PPP6C: variants seen among roughly 807,000 people sequenced by gnomAD.
The protein encoded by PPP6C is protein phosphatase 6 catalytic subunit, also known as serine/threonine-protein phosphatase 6 catalytic subunit.
Under a neutral mutation model 39.8 loss-of-function variants are expected in PPP6C, and 11 were observed. The ratio of observed to expected loss-of-function variants is 0.28; its 90% CI spans 0.17 to 0.46. The LOEUF (loss-of-function observed/expected upper bound fraction) is 0.46, where lower values mean the gene tolerates loss of function less well. Among genes scored for constraint, PPP6C ranks in the 20% least tolerant of loss-of-function variants. PPP6C has a pLI of 1.00. For synonymous variants in PPP6C, 129 were observed against 130.3 expected (o/e 0.99, Z 0.07); for missense variants, 211 against 373.9 (o/e 0.56, Z 3.59).
chr9:125,184,799 C>T (rs1275620540), intron 1 of PPP6C, among the ~76,000 whole-genome samples: 1 of 151,588 alleles, frequency 6.6e-6, no homozygotes, highest in Non-Finnish European at 1.5e-5. Flanking sequence ...ATGGTGAAAC[C>T]CCATCTCTAC....
In PPP6C at chr9:125,149,414, TGTGA is replaced by T. The variant is rs1835884840; in HGVS notation, c.*255_*258del. ...AATAAGCAAGAGCTACATGCAGCAGTGTGAGTATTAAGACATTTCTCAAGTCTTC... is the reference window on the plus strand; with the variant it reads ...AATAAGCAAGAGCTACATGCAGCAGTGTATTAAGACATTTCTCAAGTCTTC... On this transcript the variant is annotated 3_prime_UTR_variant, in exon 7 of 7. Transcript: ENST00000373547. The T allele has an allele frequency of 5.5e-6, 2 of 361,940 alleles. No homozygotes were observed. The highest frequency in any genetic ancestry group is 4.2e-5 in the Admixed American group (1 of 23,562). 22.4% of individuals were successfully genotyped at this position (361,940 alleles called of 1,614,324 possible).
At chr9:125,164,118 T>C (rs947621850) in intron 2 of PPP6C, among the ~76,000 whole-genome samples, 2 of 151,884 alleles carry the variant, frequency 1.3e-5, no homozygotes, top group African/African-American at 4.8e-5. Context: ...ATTACAGGCA[T>C]GAGCCACAGC....
At chr9:125,159,058 G>A (rs1474241302) in intron 3 of PPP6C, among the ~76,000 whole-genome samples, 3 of 102,964 alleles carry the variant, frequency 2.9e-5, no homozygotes, top group African/African-American at 1.1e-4. Flanking sequence ...TTTTTTTTTA[G>A]ATGGAGTTTC....
intron 2 of PPP6C, among the ~76,000 whole-genome samples, chr9:125,162,707 T>G (rs1169358518): frequency 7.5e-6 from 1 of 132,934 alleles, no homozygotes; most frequent in South Asian, 2.4e-4. Flanking sequence ...ACCTGAGAGG[T>G]GGAGGATGCA....
chr9:125,164,218 C>CT (rs10684647), intron 2 of PPP6C, among the ~76,000 whole-genome samples: 6,418 of 74,434 alleles, frequency 0.086, 1,810 homozygotes, highest in East Asian at 0.21. Context: ...CCCTCACTCT[C>CT]TTTTTTTTTT....
chr9:125,187,900 C>A (rs769341066), intron 1 of PPP6C, among the ~76,000 whole-genome samples: 1 of 151,942 alleles, frequency 6.6e-6, no homozygotes, highest in Admixed American at 6.6e-5. Flanking sequence ...CTATTAAAAA[C>A]GGGAAAATGC....
chr9:125,189,779 CG>C lies in PPP6C; in HGVS notation c.-62del, dbSNP rs1829631266. On this transcript the variant is annotated 5_prime_UTR_variant, in exon 1 of 7. Coordinates refer to ENST00000373547, the MANE Select transcript of PPP6C (RefSeq NM_002721.5). ...GCGGCTGTAGCAGCGGCGGCGGCAG[CG>C]GCGGAGGCCGAAGCCGGAACTTTCC... 23 of 1,528,754 alleles carry C rather than the reference CG, an allele frequency of 1.5e-5. No homozygotes were observed. Among genetic ancestry groups the C allele is most frequent in the Non-Finnish European group, 2.0e-5 (23 of 1,139,014 alleles). The allele number at this position is 1,528,754 out of a possible 1,614,324, so 94.7% of individuals were successfully genotyped here.
At chr9:125,151,030 C>G (rs1278163612) in intron 6 of PPP6C, 2 of 1,372,788 alleles carry the variant, frequency 1.5e-6, no homozygotes, top group Non-Finnish European at 2.1e-6. Flanking sequence ...CATGGACCTA[C>G]ATGCTTCTCA....
In PPP6C at chr9:125,189,566, C is replaced by CG. The variant is rs554965271; in HGVS notation, c.75+77dup. On this transcript the variant is annotated intron_variant, in intron 1 of 6. Coordinates refer to ENST00000373547, the MANE Select transcript of PPP6C (RefSeq NM_002721.5). ...CACCGCGACTGGACTGGATACCCGG[C>CG]GGGGGTCCTGGAGAAAGGAAGGGCC... is the stretch of plus-strand genomic sequence containing the variant. 521 of 1,598,626 alleles carry CG rather than the reference C, an allele frequency of 3.3e-4. 5 individuals are homozygous for CG. In the East Asian group the frequency reaches 8.1e-3, roughly 25 times the overall value.
intron 1 of PPP6C, among the ~76,000 whole-genome samples, chr9:125,180,230 C>T (rs1829393086): frequency 6.6e-6 from 1 of 152,170 alleles, no homozygotes; most frequent in African/African-American, 2.4e-5. Context: ...CCAGTTAGTC[C>T]TTGTGGATAG....
In PPP6C at chr9:125,175,493, A is replaced by T. The variant is rs1379592544; in HGVS notation, c.76-4313T>A. 2.0e-5 allele frequency among the ~76,000 whole-genome samples: 3 copies of T among 151,644 alleles called. No homozygotes were observed. The East Asian group carries it at 5.8e-4, about 30-fold the overall frequency. On this transcript the variant is annotated intron_variant, in intron 1 of 6. Coordinates refer to ENST00000373547, the MANE Select transcript of PPP6C (RefSeq NM_002721.5). Reference sequence around the variant, plus strand: ...CTCTACTAAAAAAAAATACAAAAAAATTAGCGGGGCATGGTGGCAGGCGCC... The same window carrying T: ...CTCTACTAAAAAAAAATACAAAAAATTTAGCGGGGCATGGTGGCAGGCGCC...
intron 1 of PPP6C, among the ~76,000 whole-genome samples, chr9:125,186,075 T>C (rs957954569): frequency 1.3e-5 from 2 of 152,126 alleles, no homozygotes; most frequent in Admixed American, 6.5e-5. Context: ...TGGAACATCG[T>C]ATGCATTTAG....
At chr9:125,150,066 TA>T (rs1835899380) in intron 6 of PPP6C, 145 bp from the exon 7 acceptor site, 3 of 1,168,894 alleles carry the variant, frequency 2.6e-6, no homozygotes, top group Non-Finnish European at 3.5e-6. Flanking sequence ...AACAATTTAA[TA>T]AGTTTAGGCA....
At chr9:125,160,987 A>C in intron 2 of PPP6C, 81 bp from the exon 3 acceptor site, 2 of 976,864 alleles carry the variant, frequency 2.0e-6, no homozygotes, top group Non-Finnish European at 3.0e-6. Flanking sequence ...AAATGTGTAA[A>C]GAAGCAGCTA....
In PPP6C at chr9:125,158,359, G is replaced by T; in HGVS notation, c.261C>A (p.Tyr87Ter). 6.2e-7 allele frequency: 1 copy of T among 1,613,456 alleles called. No individual in the cohort carries two copies. The highest frequency in any genetic ancestry group is 8.5e-7 in the Non-Finnish European group (1 of 1,179,608). The change falls in exon 4 of 7, where the codon TAC (tyrosine) becomes TAA (stop). Residue 87 changes from tyrosine to a stop codon, truncating the protein, a stop_gained. Transcript: ENST00000373547. LOFTEE classifies it high-confidence loss of function. Reference protein sequence around the residue: ...IFMGDFVDRGYYSLETFTYLL... With the variant: ...IFMGDFVDRG ...GGTAAGTGAAGGTCTCCAAACTATAGTAACCTCTGTCTACAAAATCACCCT... is the reference window on the plus strand; with the variant it reads ...GGTAAGTGAAGGTCTCCAAACTATATTAACCTCTGTCTACAAAATCACCCT...
Position 125,148,703 on chromosome 9 carries a change from T to C in PPP6C, c.*970A>G, listed in dbSNP as rs1835864488. On this transcript the variant is annotated 3_prime_UTR_variant, in exon 7 of 7. Transcript: ENST00000373547. ...TTTAGTTAATAATACTCATGATAGA[T>C]TGTAAACTGGATTGATCACATTCTA... 6.6e-6 allele frequency: 1 copy of C among 152,186 alleles called. No homozygotes were observed. The highest frequency in any genetic ancestry group is 1.5e-5 in the Non-Finnish European group (1 of 68,020). The allele number at this position is 152,186 out of a possible 1,614,324, so 9.4% of individuals were successfully genotyped here. A position where few individuals can be genotyped will look rare whatever the true frequency, so the allele number is the denominator to read the frequency against.
At chr9:125,183,751 C>T (rs11999067) in intron 1 of PPP6C, among the ~76,000 whole-genome samples, 16 of 152,202 alleles carry the variant, frequency 1.1e-4, no homozygotes, top group African/African-American at 3.4e-4. Context: ...TGAACTCTGC[C>T]CCTCGTAACT....
chr9:125,154,437 C>T (rs1564146475), intron 4 of PPP6C, among the ~76,000 whole-genome samples: 1 of 152,134 alleles, frequency 6.6e-6, no homozygotes, highest in Non-Finnish European at 1.5e-5. Context: ...ATCTATGGGA[C>T]CACTGTCATA....
intron 1 of PPP6C, among the ~76,000 whole-genome samples, chr9:125,171,558 G>T (rs377452525): frequency 4.9e-4 from 53 of 107,878 alleles, no homozygotes; most frequent in Middle Eastern, 5.2e-3. Flanking sequence ...GGGTTTTTTT[G>T]TTTTTTTTTT....
Sources: allele counts gnomAD v4.1 joint callset (sites outside exome capture counted in the v4.1 genomes callset), GRCh38; gene constraint gnomAD v4.1.1; transcripts MANE v1.5; gene names NCBI Gene and HGNC (gene_info 2026-07-23, HGNC 2026-07-21).